Variants in RAB4B observed in about 807,000 individuals in gnomAD.
The protein encoded by RAB4B is RAB4B, member RAS oncogene family.
Under a neutral mutation model 28.3 loss-of-function variants are expected in RAB4B, and 15 were observed. The observed-to-expected ratio is 0.53, with a 90% confidence interval of 0.35 to 0.82. RAB4B has a LOEUF of 0.82. Ranked by LOEUF, RAB4B falls within the 40% of genes least tolerant of loss-of-function variation. The pLI is 0.01. For synonymous variants in RAB4B, 108 were observed against 116.3 expected (o/e 0.93, Z 0.46); for missense variants, 244 against 288.5 (o/e 0.85, Z 1.12).
chr19:40,793,918 C>T (rs968895209), intron 7 of RAB4B, among the ~76,000 whole-genome samples: 16 of 151,558 alleles, frequency 1.1e-4, no homozygotes, highest in Admixed American at 7.2e-4. Flanking sequence ...AGCTAGACTC[C>T]GTCTCACAAA....
chr19:40,782,157 T>C (rs904086644), intron 3 of RAB4B, among the ~76,000 whole-genome samples: 1 of 152,160 alleles, frequency 6.6e-6, no homozygotes. Flanking sequence ...GCGTATGGAT[T>C]AACTGCCTGA....
At chr19:40,784,840 C>CTT (rs1182284828) in intron 5 of RAB4B, among the ~76,000 whole-genome samples, 30 of 139,292 alleles carry the variant, frequency 2.2e-4, no homozygotes, top group Admixed American at 2.2e-4. Flanking sequence ...GTGAAAGGCA[C>CTT]TTTTTTTTTT....
In RAB4B at chr19:40,786,848, G is replaced by A. The variant is rs751481760; in HGVS notation, c.527G>A (p.Gly176Asp). 6 of 1,614,140 alleles carry A rather than the reference G, an allele frequency of 3.7e-6. No homozygotes were observed. The highest frequency in any genetic ancestry group is 1.6e-4 in the Middle Eastern group (1 of 6,062). The change falls in exon 7 of 8, where the codon GGC becomes GAC. Residue 176 changes from glycine to aspartate, a missense_variant and splice_region_variant. Gly to Asp is a moderately conservative substitution (Grantham distance 94, BLOSUM62 -1). Transcript: ENST00000357052. ...ARTILNKIDS[G>D]ELDPERMGSG... ...TGCTGACCTCTCCCCTTCCCCACAG[G>A]CGAGCTAGACCCGGAGAGGATGGGC...
intron 5 of RAB4B, chr19:40,785,878 T>C (rs1041242070): frequency 1.9e-5 from 3 of 155,592 alleles, no homozygotes; most frequent in Non-Finnish European, 4.2e-5. Context: ...CAGGGCTTGA[T>C]GGTGAAGCAC....
At chr19:40,784,986 T>C (rs1441065740) in intron 5 of RAB4B, among the ~76,000 whole-genome samples, 3 of 152,014 alleles carry the variant, frequency 2.0e-5, no homozygotes, top group African/African-American at 2.4e-5. Context: ...GGCTAATTTT[T>C]ATATTTTTAG....
intron 3 of RAB4B, among the ~76,000 whole-genome samples, chr19:40,782,438 AT>A (rs1411431173): frequency 1.3e-5 from 2 of 152,236 alleles, no homozygotes; most frequent in Non-Finnish European, 2.9e-5. Context: ...GAATGAATGA[AT>A]GCACAAATGC....
intron 1 of RAB4B, 92 bp downstream of exon 1, chr19:40,778,483 G>A: frequency 7.8e-7 from 1 of 1,290,118 alleles, no homozygotes; most frequent in Non-Finnish European, 1.0e-6. Context: ...ATCAGGGGGC[G>A]GGGTCTGGTG....
At chr19:40,781,129 A>T (rs919194868) in intron 3 of RAB4B, among the ~76,000 whole-genome samples, 4 of 149,526 alleles carry the variant, frequency 2.7e-5, no homozygotes, top group Admixed American at 2.7e-4. Context: ...AAAAAAAAAA[A>T]AAAAAAATCA....
intron 5 of RAB4B, chr19:40,785,795 C>T (rs1457514347): frequency 6.5e-6 from 1 of 153,184 alleles, no homozygotes; most frequent in African/African-American, 2.4e-5. Context: ...GCCCAACCTT[C>T]ATGGAGCTCA....
At chr19:40,788,977 T>G (rs1249742973) in intron 7 of RAB4B, among the ~76,000 whole-genome samples, 1 of 151,636 alleles carries the variant, frequency 6.6e-6, no homozygotes, top group Non-Finnish European at 1.5e-5. Context: ...AGATGGGGTT[T>G]TACCATATTG....
chr19:40,795,277 G>A (rs1203327217), intron 7 of RAB4B, among the ~76,000 whole-genome samples: 1 of 151,354 alleles, frequency 6.6e-6, no homozygotes, highest in Non-Finnish European at 1.5e-5. Flanking sequence ...ACCTAACGTT[G>A]TCTCCCCAGC....
In RAB4B at chr19:40,778,371, G is replaced by C; in HGVS notation, c.-5G>C. On this transcript the variant is annotated 5_prime_UTR_variant, in exon 1 of 8. Coordinates refer to ENST00000357052, the MANE Select transcript of RAB4B (RefSeq NM_016154.5). ...ATTGCGGCCCTCAGCGGCCGCGACC[G>C]AGTCATGGCTGAGACCTACGGTGAG... 4.0e-6 allele frequency: 6 copies of C among 1,482,248 alleles called. No individual in the cohort carries two copies. Among genetic ancestry groups the C allele is most frequent in the Admixed American group, 2.7e-5 (1 of 37,236 alleles). 91.8% of individuals were successfully genotyped at this position (1,482,248 alleles called of 1,614,324 possible). A position where few individuals can be genotyped will look rare whatever the true frequency, so the allele number is the denominator to read the frequency against.
intron 5 of RAB4B, 41 bp downstream of exon 5, chr19:40,784,116 C>A: frequency 6.4e-7 from 1 of 1,572,392 alleles, no homozygotes. Context: ...TGGGGGTGGA[C>A]AGTCCACAGG....
intron 3 of RAB4B, among the ~76,000 whole-genome samples, chr19:40,783,234 C>T (rs1013415915): frequency 6.7e-6 from 1 of 150,366 alleles, no homozygotes; most frequent in African/African-American, 2.5e-5. Flanking sequence ...GAGTTGGAGA[C>T]CAGCCTCGGC....
chr19:40,795,566 ATTT>A (rs2083202163), intron 7 of RAB4B, among the ~76,000 whole-genome samples: 1 of 149,666 alleles, frequency 6.7e-6, no homozygotes. Flanking sequence ...CGCCTGGCTA[ATTT>A]TTGTATTTTT....
intron 7 of RAB4B, among the ~76,000 whole-genome samples, chr19:40,788,784 CTTTTTTTTTTTT>C (rs1173685187): frequency 1.2e-5 from 1 of 84,232 alleles, no homozygotes; most frequent in African/African-American, 4.9e-5. Flanking sequence ...GACAGGGTTT[CTTTTTTTTTTTT>C]TTTTTTTTTT....
chr19:40,787,294 G>GCC (rs2083109679), intron 7 of RAB4B, among the ~76,000 whole-genome samples: 2 of 152,142 alleles, frequency 1.3e-5, no homozygotes, highest in Non-Finnish European at 2.9e-5. Context: ...CTGTACTTTG[G>GCC]AAGGCCGAGG....
At chr19:40,788,627 C>A (rs2083125847) in intron 7 of RAB4B, among the ~76,000 whole-genome samples, 1 of 149,426 alleles carries the variant, frequency 6.7e-6, no homozygotes, top group Non-Finnish European at 1.5e-5. Context: ...TGCTCTGTTA[C>A]CCAGGATGGA....
intron 5 of RAB4B, 107 bp from the exon 6 acceptor site, chr19:40,786,557 TA>T: frequency 6.7e-7 from 1 of 1,503,276 alleles, no homozygotes; most frequent in African/African-American, 1.4e-5. Context: ...GAGGTGAGGG[TA>T]AGGGGGGATG....
Sources: gnomAD v4.1 joint callset for allele counts (sites outside exome capture counted in the v4.1 genomes callset) on GRCh38, gnomAD v4.1.1 for gene constraint, MANE v1.5 for transcripts, NCBI Gene and HGNC (gene_info 2026-07-23, HGNC 2026-07-21) for gene names.